The following GBX1 variants were observed in gnomAD, a reference collection of about 807,000 sequenced individuals.
GBX1 encodes the protein homeobox protein GBX-1.
In GBX1, 9 loss-of-function variants were observed where a neutral mutation model predicts 22.9. The ratio of observed to expected loss-of-function variants is 0.39; its 90% CI spans 0.24 to 0.69. The LOEUF (loss-of-function observed/expected upper bound fraction) is 0.69, where lower values mean the gene tolerates loss of function less well. Ranked by LOEUF, GBX1 falls within the 30% of genes least tolerant of loss-of-function variation. The pLI is 0.43. For missense variants in GBX1, 494 were observed against 509.2 expected, an observed-to-expected ratio of 0.97 and a Z score of 0.29; for synonymous variants, 203 against 227.3, an observed-to-expected ratio of 0.89 and a Z score of 0.96.
intron 1 of GBX1, among the ~76,000 whole-genome samples, chr7:151,165,238 T>C (rs989628103): frequency 1.3e-5 from 2 of 152,228 alleles, no homozygotes; most frequent in African/African-American, 4.8e-5. Context: ...ATAGCCAATA[T>C]ACTATATGAT....
At chr7:151,162,885 C>T (rs1051890213) in intron 1 of GBX1, among the ~76,000 whole-genome samples, 1 of 150,370 alleles carries the variant, frequency 6.7e-6, no homozygotes, top group Middle Eastern at 3.2e-3. Context: ...CGGCTCACTG[C>T]AACATCTGCC....
chr7:151,167,147 T>C lies in GBX1; in HGVS notation c.402A>G (p.Arg134=), dbSNP rs193195002. ...GTCGGCCGCCTGGCTCGGGGTTGTTTCGGGCGGCAGTGGCGGCGGCGGCGG... is the reference window on the plus strand; with the variant it reads ...GTCGGCCGCCTGGCTCGGGGTTGTTCCGGGCGGCAGTGGCGGCGGCGGCGG... The part of the protein sequence containing the change: ...AAAAAAATAA[R]NNPEPGGRRP... Residue 134 remains arginine (R), a synonymous_variant, in exon 1 of 2, where the codon CGA becomes CGG. Transcript: ENST00000297537. This position sits in a 1 kb window ranked among gnomAD's most constrained non-coding sequence, Gnocchi z 5.9. 2 of 1,600,472 alleles carry C rather than the reference T, an allele frequency of 1.2e-6. No homozygotes were observed. The highest frequency in any genetic ancestry group is 3.4e-5 in the Admixed American group (2 of 58,378).
At chr7:151,155,793 G>C (rs1012699859) in intron 1 of GBX1, among the ~76,000 whole-genome samples, 9 of 152,100 alleles carry the variant, frequency 5.9e-5, no homozygotes, top group African/African-American at 2.2e-4. Context: ...TCTTCAAGCA[G>C]TTGACTGACG....
chr7:151,160,789 A>C (rs545708872), intron 1 of GBX1, among the ~76,000 whole-genome samples: 1 of 152,252 alleles, frequency 6.6e-6, no homozygotes, highest in South Asian at 2.1e-4. Context: ...ACTTTCTCCC[A>C]ACAAGCTCAG....
Position 151,167,015 on chromosome 7 carries a change from C to G in GBX1, c.534G>C (p.Leu178=). 1 of 1,604,234 alleles carries G rather than the reference C, an allele frequency of 6.2e-7. No homozygotes were observed. The highest frequency in any genetic ancestry group is 8.5e-7 in the Non-Finnish European group (1 of 1,176,792). Residue 178 remains leucine, a synonymous_variant, in exon 1 of 2, where the codon CTG becomes CTC. Transcript: ENST00000297537. The surrounding 1 kb of genome is among the most constrained non-coding windows in gnomAD (Gnocchi z 5.9). ...PPHFSETFPS[L]PAEGKVYSSD... ...CTGGTCGGCCCTAGCACTTACCGGG[C>G]AGACTTGGAAAAGTCTCTGAGAAGT...
At chr7:151,150,971 A>G (rs1201718532) in intron 1 of GBX1, among the ~76,000 whole-genome samples, 1 of 152,092 alleles carries the variant, frequency 6.6e-6, no homozygotes, top group Non-Finnish European at 1.5e-5. Context: ...GGTTCATACA[A>G]TCCTCTAGCC....
intron 1 of GBX1, among the ~76,000 whole-genome samples, chr7:151,159,380 TTTG>T (rs1397338686): frequency 2.0e-5 from 3 of 152,180 alleles, no homozygotes; most frequent in Admixed American, 6.5e-5. Flanking sequence ...AGACTGAATT[TTTG>T]TTGTTGTTTT....
At chr7:151,152,701 T>G (rs1398147251) in intron 1 of GBX1, among the ~76,000 whole-genome samples, 1 of 152,208 alleles carries the variant, frequency 6.6e-6, no homozygotes, top group African/African-American at 2.4e-5. Context: ...GTTCCCGATC[T>G]GGCAGGGCCC....
intron 1 of GBX1, among the ~76,000 whole-genome samples, chr7:151,164,536 C>T (rs1040801193): frequency 2.0e-5 from 3 of 152,144 alleles, no homozygotes; most frequent in African/African-American, 4.8e-5. Flanking sequence ...CAGAAGCAGC[C>T]GTCACAGATA....
chr7:151,163,464 T>G (rs1801209578), intron 1 of GBX1, among the ~76,000 whole-genome samples: 1 of 152,214 alleles, frequency 6.6e-6, no homozygotes, highest in African/African-American at 2.4e-5. Context: ...CGGTCACCAC[T>G]GTTCACCTGT....
intron 1 of GBX1, among the ~76,000 whole-genome samples, chr7:151,154,609 A>C (rs1276766139): frequency 2.6e-5 from 4 of 152,246 alleles, no homozygotes; most frequent in Non-Finnish European, 4.4e-5. Flanking sequence ...AACAGAGTTC[A>C]TGTGAATTCT....
At chr7:151,163,689 TAAA>T (rs1317100148) in intron 1 of GBX1, among the ~76,000 whole-genome samples, 1 of 152,212 alleles carries the variant, frequency 6.6e-6, no homozygotes, top group Non-Finnish European at 1.5e-5. Flanking sequence ...ATGTGGCTAA[TAAA>T]AAATTTTTAA....
At position 151,148,599 on chromosome 7, in the gene GBX1, GC is replaced by G; in HGVS notation, c.1081del (p.Ala361ProfsTer18). On this transcript the variant is annotated frameshift_variant, in exon 2 of 2. Transcript: ENST00000297537. LOFTEE classifies it high-confidence loss of function. The surrounding 1 kb of genome is among the most constrained non-coding windows in gnomAD (Gnocchi z 5.1). ...TTCTTGGGTGCCCATTCAGGGCCGGGCCCCCTGCTCCATTTGTTGGTGCTGG... is the reference window on the plus strand; with the variant it reads ...TTCTTGGGTGCCCATTCAGGGCCGGGCCCCTGCTCCATTTGTTGGTGCTGG... ...RSQHQQMEQG[A>X]RP 3 of 1,612,844 alleles carry G rather than the reference GC, an allele frequency of 1.9e-6. No individual in the cohort carries two copies. In the East Asian group the frequency reaches 6.7e-5, roughly 36 times the overall value.
intron 1 of GBX1, among the ~76,000 whole-genome samples, chr7:151,161,293 TTATA>T (rs762464680): frequency 1.3e-5 from 2 of 152,166 alleles, no homozygotes; most frequent in Non-Finnish European, 2.9e-5. Context: ...TAATCATCTA[TTATA>T]TATATCTCCA....
In GBX1 at chr7:151,167,152, C is replaced by T. The variant is rs755180512; in HGVS notation, c.397G>A (p.Ala133Thr). 1.3e-6 allele frequency: 2 copies of T among 1,597,032 alleles called. No homozygotes were observed. Among genetic ancestry groups the T allele is most frequent in the South Asian group, 1.1e-5 (1 of 89,316 alleles). ...AAAAAAAATAARNNPEPGGRR... is the reference protein window; with the variant it reads ...AAAAAAAATATRNNPEPGGRR... ...CCGCCTGGCTCGGGGTTGTTTCGGGCGGCAGTGGCGGCGGCGGCGGCAGCG... is the reference window on the plus strand; with the variant it reads ...CCGCCTGGCTCGGGGTTGTTTCGGGTGGCAGTGGCGGCGGCGGCGGCAGCG... Residue 133 changes from alanine (A) to threonine (T), a missense_variant, in exon 1 of 2, where the codon GCC becomes ACC. This residue lies in a region of GBX1 where 365 missense variants were observed against 340.4 expected (regional missense o/e 1.07). Coordinates refer to ENST00000297537, the MANE Select transcript of GBX1 (RefSeq NM_001098834.3). This position sits in a 1 kb window ranked among gnomAD's most constrained non-coding sequence, Gnocchi z 5.9.
At chr7:151,165,362 G>A (rs774376147) in intron 1 of GBX1, among the ~76,000 whole-genome samples, 9 of 152,020 alleles carry the variant, frequency 5.9e-5, no homozygotes, top group African/African-American at 1.5e-4. Flanking sequence ...CTAAGTCCCC[G>A]CTACCAAGGG....
chr7:151,151,484 C>T (rs897612038), intron 1 of GBX1, among the ~76,000 whole-genome samples: 3 of 152,180 alleles, frequency 2.0e-5, no homozygotes, highest in Admixed American at 6.5e-5. Flanking sequence ...TTATTTTCCA[C>T]TTCCACAGAA....
At chr7:151,162,391 G>T (rs767716745) in intron 1 of GBX1, among the ~76,000 whole-genome samples, 4 of 152,104 alleles carry the variant, frequency 2.6e-5, no homozygotes. Flanking sequence ...GCTACATTCA[G>T]GTGCTTAGCT....
At chr7:151,154,395 T>TA (rs535512495) in intron 1 of GBX1, among the ~76,000 whole-genome samples, 152 of 152,336 alleles carry the variant, frequency 1.0e-3, no homozygotes, top group African/African-American at 3.5e-3. Flanking sequence ...ATGAAAATTT[T>TA]AAAAATCTAA....
Sources: gnomAD v4.1 joint callset for allele counts (sites outside exome capture counted in the v4.1 genomes callset) on GRCh38, gnomAD v4.1.1 for gene constraint, gnomAD v4.1.1 regional missense constraint, Gnocchi (gnomAD v3.1) non-coding constraint, MANE v1.5 for transcripts, NCBI Gene and HGNC (gene_info 2026-07-23, HGNC 2026-07-21) for gene names.